The following TYW1 variants were observed in gnomAD, a reference collection of about 807,000 sequenced individuals.
The protein encoded by TYW1 is S-adenosyl-L-methionine-dependent tRNA 4-demethylwyosine synthase TYW1.
In TYW1, 46 loss-of-function variants were observed where a neutral mutation model predicts 96.2. The observed-to-expected ratio is 0.48, with a 90% CI of 0.38 to 0.61. TYW1 has a LOEUF of 0.61. Among genes scored for constraint, TYW1 ranks in the 20% least tolerant of loss-of-function variants. TYW1 has a pLI of 0.00. For missense variants in TYW1, 684 were observed against 909.6 expected, an observed-to-expected ratio of 0.75 and a Z score of 3.19; for synonymous variants, 274 against 323.0, an observed-to-expected ratio of 0.85 and a Z score of 1.63.
At chr7:67,046,543 A>G (rs1795192228) in intron 7 of TYW1, among the ~76,000 whole-genome samples, 1 of 152,174 alleles carries the variant, frequency 6.6e-6, no homozygotes, top group Non-Finnish European at 1.5e-5. Context: ...TGTTTAGGCC[A>G]TGTAACAGCT....
intron 13 of TYW1, among the ~76,000 whole-genome samples, chr7:67,134,269 G>A (rs1405059839): frequency 1.3e-5 from 2 of 152,080 alleles, no homozygotes; most frequent in African/African-American, 2.4e-5. Context: ...GGGGCTGGGC[G>A]CGGTGGCTCA....
At chr7:67,203,386 A>G (rs1430854498) in intron 15 of TYW1, among the ~76,000 whole-genome samples, 1 of 152,182 alleles carries the variant, frequency 6.6e-6, no homozygotes, top group African/African-American at 2.4e-5. Flanking sequence ...TTCTATGCCA[A>G]TCTATTTTAG....
chr7:67,141,623 C>T (rs1385973009), intron 13 of TYW1, among the ~76,000 whole-genome samples: 1 of 152,220 alleles, frequency 6.6e-6, no homozygotes, highest in East Asian at 1.9e-4. Context: ...GAGTGTTTGA[C>T]TCCCAGGGCA....
chr7:67,039,605 A>G (rs919068980), intron 7 of TYW1, among the ~76,000 whole-genome samples: 3 of 152,124 alleles, frequency 2.0e-5, no homozygotes, highest in Admixed American at 2.0e-4. Flanking sequence ...TGTATATGAA[A>G]GTGCTTTATA....
chr7:67,210,693 T>C (rs890178284), intron 15 of TYW1, among the ~76,000 whole-genome samples: 2 of 82,466 alleles, frequency 2.4e-5, no homozygotes, highest in Non-Finnish European at 5.2e-5. Flanking sequence ...CATCCATTCG[T>C]CCATCCATCC....
At chr7:67,189,451 G>GTGTGTT (rs143615164) in intron 14 of TYW1, among the ~76,000 whole-genome samples, 1 of 151,916 alleles carries the variant, frequency 6.6e-6, no homozygotes, top group African/African-American at 2.4e-5. Context: ...ATGTATGTGT[G>GTGTGTT]TGTGTTTGTG....
intron 15 of TYW1, among the ~76,000 whole-genome samples, chr7:67,205,310 A>G (rs761851412): frequency 1.5e-4 from 23 of 151,970 alleles, no homozygotes; most frequent in South Asian, 6.2e-4. Context: ...CTCCTGTGAT[A>G]CCATTCTGAT....
At chr7:67,064,896 C>G (rs537202260) in intron 9 of TYW1, among the ~76,000 whole-genome samples, 1 of 152,100 alleles carries the variant, frequency 6.6e-6, no homozygotes. Flanking sequence ...CAACAAATTC[C>G]GAAAAAGAGT....
At chr7:67,058,546 A>G (rs982056913) in intron 9 of TYW1, among the ~76,000 whole-genome samples, 3 of 151,782 alleles carry the variant, frequency 2.0e-5, no homozygotes, top group African/African-American at 2.4e-5. Flanking sequence ...GTAGTGGTGC[A>G]ATTTCGGCTC....
intron 13 of TYW1, among the ~76,000 whole-genome samples, chr7:67,144,489 T>TC (rs1798544395): frequency 6.6e-6 from 1 of 152,072 alleles, no homozygotes; most frequent in African/African-American, 2.4e-5. Context: ...TTTGTTTTTT[T>TC]GAGCTGGAGT....
intron 3 of TYW1, among the ~76,000 whole-genome samples, chr7:67,002,058 G>T (rs1257221127): frequency 1.3e-5 from 2 of 149,996 alleles, no homozygotes; most frequent in Non-Finnish European, 3.0e-5. Flanking sequence ...AAGGAAAGAA[G>T]AAAAAAAGAG....
chr7:67,202,059 G>T (rs1460461340), intron 15 of TYW1, among the ~76,000 whole-genome samples: 2 of 152,194 alleles, frequency 1.3e-5, no homozygotes, highest in African/African-American at 2.4e-5. Flanking sequence ...TGGCCACGAA[G>T]AAATAATACA....
intron 9 of TYW1, among the ~76,000 whole-genome samples, chr7:67,062,566 CAAA>C (rs56770876): frequency 1.1e-5 from 1 of 89,134 alleles, no homozygotes; most frequent in African/African-American, 4.5e-5. Context: ...GACTCCGTCT[CAAA>C]AAAAAAAAAA....
At chr7:67,197,753 CT>C (rs1446490927) in intron 15 of TYW1, among the ~76,000 whole-genome samples, 1 of 151,672 alleles carries the variant, frequency 6.6e-6, no homozygotes, top group Non-Finnish European at 1.5e-5. Flanking sequence ...CCTGTATTCC[CT>C]TCTTTCCTTC....
At chr7:67,207,393 C>T (rs1800840222) in intron 15 of TYW1, among the ~76,000 whole-genome samples, 1 of 152,192 alleles carries the variant, frequency 6.6e-6, no homozygotes, top group South Asian at 2.1e-4. Flanking sequence ...TTCATTCACT[C>T]CATTTATTCA....
Position 67,117,465 on chromosome 7 carries a change from A to T in TYW1, c.1563-18A>T. 1.9e-6 allele frequency: 3 copies of T among 1,578,010 alleles called. No homozygotes were observed. Among genetic ancestry groups the T allele is most frequent in the South Asian group, 1.2e-5 (1 of 84,438 alleles). ...AGGAATAATTTTTCTTTCTTCTTTT[A>T]AAAAAAATATTACTAAGGAACCTCG... On this transcript the variant is annotated intron_variant, in intron 12 of 15. Transcript: ENST00000359626.
intron 7 of TYW1, among the ~76,000 whole-genome samples, chr7:67,036,856 A>G (rs1794856852): frequency 1.3e-5 from 2 of 152,236 alleles, no homozygotes. Context: ...CCAAGGCAGC[A>G]GGTTGACATC....
At chr7:67,031,966 T>C (rs570946078) in intron 7 of TYW1, among the ~76,000 whole-genome samples, 2 of 152,166 alleles carry the variant, frequency 1.3e-5, no homozygotes, top group Non-Finnish European at 2.9e-5. Context: ...ATGTTTAGCT[T>C]GAATCTCATC....
At chr7:67,234,511 C>T (rs1801826668) in intron 15 of TYW1, among the ~76,000 whole-genome samples, 2 of 152,102 alleles carry the variant, frequency 1.3e-5, no homozygotes, top group South Asian at 4.1e-4. Context: ...GAGCCAGAAC[C>T]TTGGAATTCC....
Sources: gnomAD v4.1 joint callset for allele counts (sites outside exome capture counted in the v4.1 genomes callset) on GRCh38, gnomAD v4.1.1 for gene constraint, MANE v1.5 for transcripts, NCBI Gene and HGNC (gene_info 2026-07-23, HGNC 2026-07-21) for gene names.